Variants in LUC7L observed in about 807,000 individuals in gnomAD.
LUC7L encodes LUC7 like.
A neutral mutation model predicts 51.1 loss-of-function variants in LUC7L; 29 were observed. The ratio of observed to expected loss-of-function variants is 0.57; its 90% CI spans 0.42 to 0.77. The LOEUF (loss-of-function observed/expected upper bound fraction) is 0.77. LUC7L is among the 30% of genes least tolerant of loss of function. The probability of loss-of-function intolerance (pLI) is 0.00; values close to 1 mark genes in which losing one functional copy is unlikely to be tolerated. For synonymous variants in LUC7L, 181 were observed against 180.7 expected (o/e 1.00, Z -0.01); for missense variants, 403 against 511.9 (o/e 0.79, Z 2.05).
At chr16:226,756 A>G (rs1455136296) in intron 2 of LUC7L, among the ~76,000 whole-genome samples, 1 of 152,228 alleles carries the variant, frequency 6.6e-6, no homozygotes, top group Non-Finnish European at 1.5e-5. Flanking sequence ...TACTTGCCCT[A>G]TTTAGTTGTG....
rs1246590592 is a variant in LUC7L, at chr16:220,680, C to T, written c.224G>A (p.Ser75Asn). ...TTCAAAAAACAGGTCTCTTTCTTTACTTGCAATCTCATAATCTGCTCGGAG... is the reference window on the plus strand; with the variant it reads ...TTCAAAAAACAGGTCTCTTTCTTTATTTGCAATCTCATAATCTGCTCGGAG... ...LALRADYEIA[S>N]KERDLFFELD... Residue 75 changes from serine (S) to asparagine (N), a missense_variant, in exon 3 of 10, where the codon AGT becomes AAT. This residue lies in a region of LUC7L where 182 missense variants were observed against 248.4 expected (regional missense o/e 0.73). Transcript: ENST00000293872. 1 of 1,613,820 alleles carries T rather than the reference C, an allele frequency of 6.2e-7. No homozygotes were observed. The highest frequency in any genetic ancestry group is 2.2e-5 in the East Asian group (1 of 44,874).
intron 9 of LUC7L, chr16:189,599 T>C (rs1485052615): frequency 1.8e-5 from 25 of 1,351,978 alleles, no homozygotes; most frequent in East Asian, 7.8e-5. Context: ...CAACACTATA[T>C]GCACAGAACA....
At chr16:211,105 G>A in intron 3 of LUC7L, among the ~76,000 whole-genome samples, 1 of 150,002 alleles carries the variant, frequency 6.7e-6, no homozygotes, top group Non-Finnish European at 1.5e-5. Flanking sequence ...GCTCACGCCT[G>A]TAATCCCAAC....
intron 3 of LUC7L, among the ~76,000 whole-genome samples, chr16:215,203 G>T (rs529034687): frequency 6.6e-6 from 1 of 152,264 alleles, no homozygotes; most frequent in African/African-American, 2.4e-5. Flanking sequence ...AACACCAACA[G>T]TAGGCCAGGT....
In LUC7L at chr16:199,076, G is replaced by C; in HGVS notation, c.673C>G (p.Leu225Val). 2 of 1,610,088 alleles carry C rather than the reference G, an allele frequency of 1.2e-6. No individual in the cohort carries two copies. Among genetic ancestry groups the C allele is most frequent in the Non-Finnish European group, 1.7e-6 (2 of 1,176,824 alleles). Residue 225 changes from leucine to valine, a missense_variant, in exon 6 of 10, where the codon CTT becomes GTT. Coordinates refer to ENST00000293872, the MANE Select transcript of LUC7L (RefSeq NM_201412.3). ...HLGFIQIREK[L>V]DQLRKTVAEK... The stretch of plus-strand genomic sequence containing the variant: ...GATGAACATACCCTCAACTGATCAA[G>C]CTTCTCTCGGATCTGAATGAACCCC...
intron 3 of LUC7L, among the ~76,000 whole-genome samples, chr16:212,626 A>C (rs950894543): frequency 2.0e-5 from 3 of 152,168 alleles, no homozygotes; most frequent in Non-Finnish European, 4.4e-5. Context: ...TGGTATATTA[A>C]AAACAGCTTT....
chr16:192,037 A>G (rs1219200680), intron 7 of LUC7L, among the ~76,000 whole-genome samples: 1 of 152,054 alleles, frequency 6.6e-6, no homozygotes, highest in Non-Finnish European at 1.5e-5. Context: ...GTGTGGCCAG[A>G]GGCATCTTCT....
chr16:223,994 G>A (rs145818888), intron 2 of LUC7L, among the ~76,000 whole-genome samples: 1 of 151,998 alleles, frequency 6.6e-6, no homozygotes, highest in African/African-American at 2.4e-5. Context: ...ACTCTTCTAA[G>A]TTGTGGGTGT....
At chr16:208,667 C>T in intron 3 of LUC7L, 1 of 982,870 alleles carries the variant, frequency 1.0e-6, no homozygotes, top group East Asian at 1.1e-4. Flanking sequence ...CCTTTCACCT[C>T]AAAAACAAAA....
At chr16:204,020 A>G (rs75522363) in intron 5 of LUC7L, among the ~76,000 whole-genome samples, 57 of 152,280 alleles carry the variant, frequency 3.7e-4, no homozygotes, top group African/African-American at 1.3e-3. Flanking sequence ...CATCTCAAAA[A>G]AACACAAAAA....
At chr16:223,284 G>A (rs969589149) in intron 2 of LUC7L, among the ~76,000 whole-genome samples, 3 of 152,070 alleles carry the variant, frequency 2.0e-5, no homozygotes, top group African/African-American at 7.2e-5. Flanking sequence ...GAGAGGCAGA[G>A]CTTGCAGTGA....
In LUC7L at chr16:206,103, A is replaced by G. The variant is rs142747315; in HGVS notation, c.411T>C (p.Leu137=). 8 of 1,613,848 alleles carry G rather than the reference A, an allele frequency of 5.0e-6. No individual in the cohort carries two copies. The highest frequency in any genetic ancestry group is 6.8e-6 in the Non-Finnish European group (8 of 1,179,976). Residue 137 remains leucine (L), a synonymous_variant, in exon 5 of 10, where the codon CTT becomes CTC. Coordinates refer to ENST00000293872, the MANE Select transcript of LUC7L (RefSeq NM_201412.3). ...HELNEEIGKL[L]AKAEQLGAEG... ...CAGCCCCTAGCTGTTCGGCTTTAGC[A>G]AGGAGTTTTCCTATTTCTTCATTTA...
At chr16:229,139 T>C (rs918743666) in intron 1 of LUC7L, 140 bp downstream of exon 1, 71 of 1,408,516 alleles carry the variant, frequency 5.0e-5, no homozygotes, top group Non-Finnish European at 6.1e-5. Flanking sequence ...GCCCGGCGCC[T>C]GCGGTCGGAG....
intron 1 of LUC7L, chr16:228,445 T>C: frequency 8.0e-7 from 1 of 1,257,828 alleles, no homozygotes. Flanking sequence ...TCAGTTTGTA[T>C]GAAATAAAAA....
At position 189,355 on chromosome 16, in the gene LUC7L, C is replaced by A; in HGVS notation, c.975-16G>T. 6.2e-7 allele frequency: 1 copy of A among 1,601,544 alleles called. No homozygotes were observed. ...TCTGGAGAACCTGGGAAATGGGAAC[C>A]AGAGGCTCAGTGGAGGCTGCTGCCC... On this transcript the variant is annotated splice_polypyrimidine_tract_variant and intron_variant, in intron 9 of 9. Transcript: ENST00000293872.
intron 6 of LUC7L, 138 bp from the exon 7 acceptor site, chr16:193,153 CTTTT>C (rs532225269): frequency 2.5e-5 from 17 of 672,670 alleles, no homozygotes; most frequent in Admixed American, 1.8e-4. Flanking sequence ...AATGGGAATA[CTTTT>C]TTTTTTCTCT....
At chr16:221,186 ATTTTTTTT>A (rs372906826) in intron 2 of LUC7L, among the ~76,000 whole-genome samples, 16 of 101,248 alleles carry the variant, frequency 1.6e-4, no homozygotes, top group African/African-American at 3.7e-4. Flanking sequence ...CACCCAGCTA[ATTTTTTTT>A]TTTTTTTTTT....
chr16:201,738 T>G (rs1307442795), intron 5 of LUC7L, among the ~76,000 whole-genome samples: 2 of 14,576 alleles, frequency 1.4e-4, no homozygotes, highest in South Asian at 3.3e-3. Context: ...CGCACCAGGC[T>G]TTTTTTTTTT....
intron 6 of LUC7L, among the ~76,000 whole-genome samples, chr16:198,044 G>A (rs1472730780): frequency 2.0e-5 from 3 of 151,842 alleles, no homozygotes; most frequent in Non-Finnish European, 2.9e-5. Context: ...TGAGGCGGGC[G>A]GATCGCGAGG....
Sources: gnomAD v4.1 joint callset for allele counts (sites outside exome capture counted in the v4.1 genomes callset) on GRCh38, gnomAD v4.1.1 for gene constraint, gnomAD v4.1.1 regional missense constraint, MANE v1.5 for transcripts, NCBI Gene and HGNC (gene_info 2026-07-23, HGNC 2026-07-21) for gene names.